TNS1: variants seen among roughly 807,000 people sequenced by gnomAD.
TNS1 encodes tensin 1, also known as tensin-1.
A neutral mutation model predicts 168.6 loss-of-function variants in TNS1; 62 were observed. The ratio of observed to expected loss-of-function variants is 0.37; its 90% CI spans 0.30 to 0.45. The LOEUF (loss-of-function observed/expected upper bound fraction) is 0.45. Ranked by LOEUF, TNS1 falls within the 20% of genes least tolerant of loss-of-function variation. The pLI is 1.00. For synonymous variants in TNS1, 934 were observed against 933.2 expected, an observed-to-expected ratio of 1.00 and a Z score of -0.02; for missense variants, 2,240 against 2,339.4, an observed-to-expected ratio of 0.96 and a Z score of 0.88.
chr2:218,020,409 A>T (rs1958797261), intron 1 of TNS1, among the ~76,000 whole-genome samples: 1 of 152,036 alleles, frequency 6.6e-6, no homozygotes, highest in South Asian at 2.1e-4. Context: ...TAACTTGATT[A>T]TCACCTCTGA....
intron 3 of TNS1, among the ~76,000 whole-genome samples, chr2:217,951,963 A>C (rs1957253807): frequency 6.6e-6 from 1 of 152,152 alleles, no homozygotes; most frequent in African/African-American, 2.4e-5. Context: ...AGTACTTTCT[A>C]AGTGCCCGCA....
intron 18 of TNS1, chr2:217,859,732 T>C: frequency 6.6e-7 from 1 of 1,510,070 alleles, no homozygotes; most frequent in Middle Eastern, 1.7e-4. Flanking sequence ...AGAGTATCAC[T>C]TTTCAGAGTT....
upstream of TNS1, among the ~76,000 whole-genome samples, chr2:218,014,247 A>AC (rs1483671776): frequency 1.3e-5 from 2 of 151,020 alleles, no homozygotes; most frequent in Non-Finnish European, 3.0e-5. Context: ...CTCCCCGGGG[A>AC]CCCCCCAGCC....
chr2:217,920,819 T>G (rs1404815371), intron 3 of TNS1, among the ~76,000 whole-genome samples: 4 of 151,986 alleles, frequency 2.6e-5, no homozygotes, highest in Non-Finnish European at 5.9e-5. Context: ...AAGCCATGAG[T>G]GTGGCTAACA....
chr2:217,808,239 T>G (rs1939597227), intron 31 of TNS1, 132 bp from the exon 32 acceptor site: 112 of 842,500 alleles, frequency 1.3e-4, no homozygotes, highest in East Asian at 4.5e-4. Flanking sequence ...CATTCCCCCA[T>G]TCCCCCATTC....
rs1192292704 is a variant in TNS1 at position 217,818,328 on chromosome 2, G to A, written c.4004C>T (p.Ser1335Phe). 4 of 1,613,998 alleles carry A rather than the reference G, an allele frequency of 2.5e-6. No individual in the cohort carries two copies. In the South Asian group the frequency reaches 4.4e-5, roughly 18 times the overall value. ...PGTGFHGSTV[S>F]SPQSSAATTP... ...GGTCGCTGCACTGCTCTGGGGGCTG[G>A]AGACAGTGCTACCATGGAAGCCAGT... is the stretch of plus-strand genomic sequence containing the variant. The change falls in exon 24 of 33, where the codon TCC becomes TTC. Residue 1335 changes from serine (S) to phenylalanine (F), a missense_variant. Coordinates refer to ENST00000682258, the MANE Select transcript of TNS1 (RefSeq NM_001387777.1).
At chr2:217,971,117 T>A (rs2126028673) in intron 3 of TNS1, among the ~76,000 whole-genome samples, 3 of 152,308 alleles carry the variant, frequency 2.0e-5, no homozygotes, top group Middle Eastern at 6.8e-3. Flanking sequence ...ACAAAATGCA[T>A]CCCTTTTAGG....
At chr2:217,944,632 C>T (rs1174645461) in intron 3 of TNS1, among the ~76,000 whole-genome samples, 2 of 152,180 alleles carry the variant, frequency 1.3e-5, no homozygotes, top group Non-Finnish European at 1.5e-5. Context: ...CTGCTGTTTT[C>T]TCTGGGCTGA....
At chr2:217,864,969 C>T (rs1357972851) in intron 18 of TNS1, among the ~76,000 whole-genome samples, 2 of 152,006 alleles carry the variant, frequency 1.3e-5, no homozygotes, top group Non-Finnish European at 2.9e-5. Flanking sequence ...TGGGTGTGTG[C>T]AGAGGAGCCC....
chr2:217,908,786 G>A (rs1028108637), intron 4 of TNS1, among the ~76,000 whole-genome samples: 5 of 152,112 alleles, frequency 3.3e-5, no homozygotes, highest in African/African-American at 1.2e-4. Flanking sequence ...GACGGTAGAG[G>A]GACAACGGGG....
At chr2:217,846,647 C>G (rs1003792816) in intron 19 of TNS1, among the ~76,000 whole-genome samples, 1 of 152,238 alleles carries the variant, frequency 6.6e-6, no homozygotes, top group Non-Finnish European at 1.5e-5. Flanking sequence ...TTCAGCCACC[C>G]TTGTGGAATG....
intron 18 of TNS1, among the ~76,000 whole-genome samples, chr2:217,864,596 A>G (rs1468446302): frequency 6.6e-6 from 1 of 152,244 alleles, no homozygotes; most frequent in African/African-American, 2.4e-5. Context: ...GTGACAATAA[A>G]GTCACAATGC....
Position 217,840,697 on chromosome 2 carries a change from C to T in TNS1, c.3008-4486G>A, listed in dbSNP as rs541550798. 1.8e-3 allele frequency among the ~76,000 whole-genome samples: 277 copies of T among 152,380 alleles called. 1 individual carries two copies. The highest frequency in any genetic ancestry group is 3.4e-3 in the Middle Eastern group (1 of 294). ...CTGTGTTGTGTCTGGTGGCCCCATG[C>T]AAAGCTCAGCCTGGCTCCTGCCGAG... On this transcript the variant is annotated intron_variant, in intron 19 of 32. Coordinates refer to ENST00000682258, the MANE Select transcript of TNS1 (RefSeq NM_001387777.1).
At chr2:217,870,517 A>G (rs568034774) in intron 18 of TNS1, among the ~76,000 whole-genome samples, 4 of 152,326 alleles carry the variant, frequency 2.6e-5, no homozygotes, top group Admixed American at 1.3e-4. Flanking sequence ...ATGGGTCCGG[A>G]TAGCTTGCAC....
At chr2:217,891,076 C>A in intron 11 of TNS1, 31 bp from the exon 12 acceptor site, 1 of 1,611,392 alleles carries the variant, frequency 6.2e-7, no homozygotes, top group Non-Finnish European at 8.5e-7. Context: ...TCAAAAGAGG[C>A]AACTCCTGCA....
intron 1 of TNS1, among the ~76,000 whole-genome samples, chr2:218,002,214 A>T (rs1202859568): frequency 6.6e-6 from 1 of 152,084 alleles, no homozygotes; most frequent in Non-Finnish European, 1.5e-5. Flanking sequence ...CTGAACCTGG[A>T]GCCAAGAGAG....
At chr2:217,921,187 G>A (rs779675986) in intron 3 of TNS1, among the ~76,000 whole-genome samples, 31 of 152,184 alleles carry the variant, frequency 2.0e-4, no homozygotes, top group African/African-American at 6.0e-4. Context: ...GCCAGGACAC[G>A]TTTTTCTTGG....
chr2:217,929,962 C>T (rs1956235512), intron 3 of TNS1, among the ~76,000 whole-genome samples: 1 of 152,208 alleles, frequency 6.6e-6, no homozygotes, highest in South Asian at 2.1e-4. Context: ...AATGCACATC[C>T]AGCAGTGTCA....
At chr2:217,854,280 C>T (rs549015025) in intron 18 of TNS1, among the ~76,000 whole-genome samples, 1 of 152,252 alleles carries the variant, frequency 6.6e-6, no homozygotes, top group South Asian at 2.1e-4. Flanking sequence ...ACGGCCCAAC[C>T]ATGAAGAATA....
Sources: allele counts gnomAD v4.1 joint callset (sites outside exome capture counted in the v4.1 genomes callset), GRCh38; gene constraint gnomAD v4.1.1; transcripts MANE v1.5; gene names NCBI Gene and HGNC (gene_info 2026-07-23, HGNC 2026-07-21).